The following ANXA10 variants were observed in gnomAD, a reference collection of about 807,000 sequenced individuals.
ANXA10 encodes the protein annexin A10, also known as annexin 14.
ANXA10 carries 49 observed loss-of-function variants against 53.5 expected under a neutral mutation model. The ratio of observed to expected loss-of-function variants is 0.92; its 90% CI spans 0.73 to 1.16. The LOEUF (loss-of-function observed/expected upper bound fraction) is 1.16. ANXA10 is among the 50% of genes most tolerant of loss of function. The probability of loss-of-function intolerance (pLI) is 0.00; values close to 1 mark genes in which losing one functional copy is unlikely to be tolerated. For missense variants in ANXA10, 393 were observed against 394.4 expected, an observed-to-expected ratio of 1.00 and a Z score of 0.03; for synonymous variants, 131 against 128.9, an observed-to-expected ratio of 1.02 and a Z score of -0.11.
chr4:168,156,755 G>A (rs28600234), intron 3 of ANXA10, among the ~76,000 whole-genome samples: 3,025 of 151,624 alleles, frequency 0.02, 107 homozygotes, highest in African/African-American at 0.068. Context: ...CTCCTGCCTC[G>A]GCCTCCCAAA....
intron 3 of ANXA10, among the ~76,000 whole-genome samples, chr4:168,155,206 G>T (rs1731585260): frequency 6.7e-6 from 1 of 149,414 alleles, no homozygotes; most frequent in Admixed American, 6.9e-5. Flanking sequence ...CGCTTTCCAC[G>T]AACCTTCATT....
At chr4:168,179,345 A>G (rs772396480) in intron 9 of ANXA10, 33 bp downstream of exon 9, 10 of 1,445,696 alleles carry the variant, frequency 6.9e-6, no homozygotes, top group Non-Finnish European at 9.6e-6. Flanking sequence ...CACAACAGAC[A>G]TTTTATTTCT....
intron 5 of ANXA10, among the ~76,000 whole-genome samples, chr4:168,164,830 G>C (rs779002462): frequency 1.3e-5 from 2 of 152,028 alleles, no homozygotes; most frequent in Admixed American, 6.6e-5. Flanking sequence ...AAAATGTTGC[G>C]GACAGTCATC....
intron 2 of ANXA10, among the ~76,000 whole-genome samples, chr4:168,128,832 C>A (rs184744033): frequency 4.6e-5 from 7 of 151,880 alleles, no homozygotes; most frequent in African/African-American, 1.7e-4. Flanking sequence ...GGACTGTGAA[C>A]TCCCAGAGCT....
chr4:168,116,405 T>C (rs775060309), intron 1 of ANXA10, among the ~76,000 whole-genome samples: 1 of 152,154 alleles, frequency 6.6e-6, no homozygotes, highest in Non-Finnish European at 1.5e-5. Context: ...TTGTGTAAAT[T>C]ATATGTGCAG....
At chr4:168,093,239 AT>A (rs1394767904) in intron 1 of ANXA10, among the ~76,000 whole-genome samples, 1 of 152,078 alleles carries the variant, frequency 6.6e-6, no homozygotes, top group Admixed American at 6.6e-5. Flanking sequence ...TTGACTATTA[AT>A]TTTATTTTAA....
intron 5 of ANXA10, 49 bp from the exon 6 acceptor site, chr4:168,165,198 A>T (rs1731853867): frequency 1.6e-6 from 2 of 1,256,634 alleles, no homozygotes; most frequent in African/African-American, 1.5e-5. Context: ...AAACACACTG[A>T]TACATAGTTC....
At chr4:168,118,952 AAATGCACAAATATTTGATTATTT>A (rs1299981345) in intron 1 of ANXA10, among the ~76,000 whole-genome samples, 1 of 152,144 alleles carries the variant, frequency 6.6e-6, no homozygotes, top group Non-Finnish European at 1.5e-5. Flanking sequence ...GCATTTAATC[AAATGCACAAATATTTGATTATTT>A]AATCAAAGAT....
intron 1 of ANXA10, among the ~76,000 whole-genome samples, chr4:168,107,382 G>T (rs1408844636): frequency 6.6e-6 from 1 of 152,104 alleles, no homozygotes; most frequent in Non-Finnish European, 1.5e-5. Flanking sequence ...AAAGTGATGA[G>T]AAATTGTTGT....
chr4:168,119,765 T>C (rs1730955900), intron 1 of ANXA10, among the ~76,000 whole-genome samples: 1 of 152,108 alleles, frequency 6.6e-6, no homozygotes, highest in African/African-American at 2.4e-5. Flanking sequence ...AATTATGGGG[T>C]GCATGAAATT....
chr4:168,124,588 T>C (rs1221320991), intron 1 of ANXA10, among the ~76,000 whole-genome samples: 2 of 152,216 alleles, frequency 1.3e-5, no homozygotes, highest in Non-Finnish European at 2.9e-5. Flanking sequence ...ACTTTTTCTA[T>C]CCTATGTGAT....
intron 1 of ANXA10, among the ~76,000 whole-genome samples, chr4:168,126,670 T>C (rs1424976563): frequency 6.6e-6 from 1 of 152,212 alleles, no homozygotes; most frequent in Non-Finnish European, 1.5e-5. Flanking sequence ...GTCTGTCTGA[T>C]ATATTTATTT....
At chr4:168,130,304 T>A (rs1043573870) in intron 2 of ANXA10, among the ~76,000 whole-genome samples, 1 of 152,142 alleles carries the variant, frequency 6.6e-6, no homozygotes. Context: ...CTGCCTTGCA[T>A]ATCTGGAATA....
intron 3 of ANXA10, among the ~76,000 whole-genome samples, chr4:168,149,998 G>A (rs550682982): frequency 1.1e-4 from 16 of 152,230 alleles, no homozygotes; most frequent in East Asian, 7.7e-4. Context: ...TACAGTGCCC[G>A]AAATTAGGCA....
chr4:168,105,666 G>A (rs1466627068), intron 1 of ANXA10, among the ~76,000 whole-genome samples: 1 of 151,994 alleles, frequency 6.6e-6, no homozygotes, highest in African/African-American at 2.4e-5. Flanking sequence ...TAATAGTTCT[G>A]TTTTCAGCTC....
intron 3 of ANXA10, among the ~76,000 whole-genome samples, chr4:168,159,259 GTGTCATTCTT>G (rs1273562563): frequency 6.6e-6 from 1 of 152,014 alleles, no homozygotes; most frequent in Non-Finnish European, 1.5e-5. Context: ...TGCTCGTTAG[GTGTCATTCTT>G]TTTCTGTGTT....
chr4:168,159,137 A>T (rs1309491631), intron 3 of ANXA10, among the ~76,000 whole-genome samples: 1 of 152,176 alleles, frequency 6.6e-6, no homozygotes, highest in Non-Finnish European at 1.5e-5. Context: ...CTAACACGCT[A>T]CTTCTATTGA....
Position 168,187,458 on chromosome 4 carries a change from T to C in ANXA10, c.*24T>C. On this transcript the variant is annotated 3_prime_UTR_variant, in exon 12 of 12. Transcript: ENST00000359299. ...AAAATGAAGAGGACTTGGAGTACTG[T>C]GCACTCCTCTTTCTAGACACTTCCA... 6.7e-7 allele frequency: 1 copy of C among 1,490,220 alleles called. No individual in the cohort carries two copies. The highest frequency in any genetic ancestry group is 9.1e-7 in the Non-Finnish European group (1 of 1,094,510). 92.3% of individuals were successfully genotyped at this position (1,490,220 alleles called of 1,614,324 possible). A position where few individuals can be genotyped will look rare whatever the true frequency, so the allele number is the denominator to read the frequency against.
At chr4:168,128,984 A>C (rs545720564) in intron 2 of ANXA10, among the ~76,000 whole-genome samples, 42 of 152,074 alleles carry the variant, frequency 2.8e-4, no homozygotes, top group Admixed American at 9.2e-4. Context: ...TATCATATGG[A>C]GGTATTAAAC....
Sources: allele counts gnomAD v4.1 joint callset (sites outside exome capture counted in the v4.1 genomes callset), GRCh38; gene constraint gnomAD v4.1.1; transcripts MANE v1.5; gene names NCBI Gene and HGNC (gene_info 2026-07-23, HGNC 2026-07-21).